Variants in CR1L observed in about 807,000 individuals in gnomAD.
CR1L encodes the protein complement C3b/C4b receptor 1 like, also known as complement component receptor 1-like protein.
A neutral mutation model predicts 62.3 loss-of-function variants in CR1L; 59 were observed. The ratio of observed to expected loss-of-function variants is 0.95; its 90% confidence interval spans 0.77 to 1.18. The LOEUF is 1.18. Ranked by LOEUF, CR1L falls within the 50% of genes most tolerant of loss-of-function variation. The pLI is 0.00. For missense variants in CR1L, 700 were observed against 702.8 expected, an observed-to-expected ratio of 1.00 and a Z score of 0.04; for synonymous variants, 279 against 248.7, an observed-to-expected ratio of 1.12 and a Z score of -1.15.
intron 1 of CR1L, among the ~76,000 whole-genome samples, chr1:207,656,447 A>G (rs1430082617): frequency 1.3e-5 from 2 of 152,216 alleles, no homozygotes; most frequent in Non-Finnish European, 2.9e-5. Flanking sequence ...AAAACTTAGC[A>G]TGGCCTTGCA....
chr1:207,662,275 C>G (rs1327492515), intron 1 of CR1L, among the ~76,000 whole-genome samples: 1 of 152,228 alleles, frequency 6.6e-6, no homozygotes, highest in African/African-American at 2.4e-5. Context: ...CCATCACTTT[C>G]AGGTACACCA....
chr1:207,661,960 G>T (rs549105335), intron 1 of CR1L, among the ~76,000 whole-genome samples: 2 of 152,338 alleles, frequency 1.3e-5, no homozygotes, highest in South Asian at 4.1e-4. Context: ...CTTTAAGAAT[G>T]TTGAATATTG....
rs773605265 is a variant in CR1L, at chr1:207,708,183, G to C, written c.1334G>C (p.Arg445Pro). The change falls in exon 10 of 12, where the codon CGA becomes CCA. Residue 445 changes from arginine to proline, a missense_variant. Arg to Pro is a moderately radical substitution (Grantham distance 103, BLOSUM62 -2). Coordinates refer to ENST00000508064, the MANE Select transcript of CR1L (RefSeq NM_175710.2). ...TTTCCATTTTTTGCCTTTAGGCACC[G>C]ACTCATTGGTCACTCATCTGCTGAA... ...RINYSCTTGHRLIGHSSAECI... is the reference protein window; with the variant it reads ...RINYSCTTGHPLIGHSSAECI... The C allele has an allele frequency of 1.2e-6, 2 of 1,611,294 alleles. No homozygotes were observed. The highest frequency in any genetic ancestry group is 1.7e-6 in the Non-Finnish European group (2 of 1,179,378).
intron 8 of CR1L, among the ~76,000 whole-genome samples, chr1:207,699,804 A>G (rs761130409): frequency 6.6e-6 from 1 of 152,220 alleles, no homozygotes; most frequent in Non-Finnish European, 1.5e-5. Context: ...TATAGCAATG[A>G]ACAAGATGAG....
chr1:207,668,989 T>C (rs1178995501), intron 1 of CR1L: 1 of 171,322 alleles, frequency 5.8e-6, no homozygotes, highest in African/African-American at 2.5e-5. Flanking sequence ...ACATTCCCTG[T>C]GCACTGTACA....
intron 1 of CR1L, among the ~76,000 whole-genome samples, chr1:207,670,406 C>T (rs916563578): frequency 2.0e-5 from 3 of 151,086 alleles, no homozygotes; most frequent in Non-Finnish European, 4.4e-5. Flanking sequence ...ATTATAACTA[C>T]TATGGAAATT....
intron 1 of CR1L, among the ~76,000 whole-genome samples, chr1:207,666,843 A>T (rs1663531900): frequency 6.6e-6 from 1 of 152,330 alleles, no homozygotes; most frequent in East Asian, 1.9e-4. Flanking sequence ...ATGTACCCCT[A>T]AACGTAAAAG....
At chr1:207,701,665 A>G in intron 9 of CR1L, 47 bp downstream of exon 9, 1 of 1,611,866 alleles carries the variant, frequency 6.2e-7, no homozygotes, top group Non-Finnish European at 8.5e-7. Flanking sequence ...CAGCACAGCA[A>G]TACTACCTTC....
At chr1:207,709,071 T>A in intron 10 of CR1L, 1 of 250,398 alleles carries the variant, frequency 4.0e-6, no homozygotes, top group Non-Finnish European at 7.8e-6. Flanking sequence ...TTTGTCTTTA[T>A]TAGTTCTGCC....
intron 9 of CR1L, among the ~76,000 whole-genome samples, chr1:207,703,917 G>A (rs72644195): frequency 0.11 from 17,433 of 151,846 alleles, 1,362 homozygotes; most frequent in East Asian, 0.38. Context: ...TTGCGTCACC[G>A]CACTCCAGGT....
chr1:207,655,302 TTA>T, intron 1 of CR1L: 1 of 576,796 alleles, frequency 1.7e-6, no homozygotes, highest in Non-Finnish European at 3.1e-6. Flanking sequence ...TTTTTTTTTT[TTA>T]ATTCAGACCA....
chr1:207,718,026 A>T (rs1424379620), intron 11 of CR1L, among the ~76,000 whole-genome samples: 4 of 152,322 alleles, frequency 2.6e-5, no homozygotes, highest in Non-Finnish European at 5.9e-5. Flanking sequence ...TTCTACCCCT[A>T]CTATGAGTTG....
intron 9 of CR1L, chr1:207,701,847 G>T (rs1395778630): frequency 2.3e-5 from 16 of 703,400 alleles, no homozygotes; most frequent in Non-Finnish European, 3.6e-5. Flanking sequence ...CCGTTCACTG[G>T]ATGGGAAGGA....
intron 9 of CR1L, among the ~76,000 whole-genome samples, chr1:207,705,206 A>G (rs1179897084): frequency 6.6e-6 from 1 of 152,192 alleles, no homozygotes; most frequent in African/African-American, 2.4e-5. Context: ...TTCTCTTTTT[A>G]TAAGGACACC....
At chr1:207,717,014 A>T (rs557554408) in intron 10 of CR1L, among the ~76,000 whole-genome samples, 1 of 152,334 alleles carries the variant, frequency 6.6e-6, no homozygotes, top group South Asian at 2.1e-4. Flanking sequence ...TGAATCACCA[A>T]GAAACATTTA....
intron 4 of CR1L, among the ~76,000 whole-genome samples, chr1:207,694,052 G>A (rs1337257489): frequency 1.3e-5 from 2 of 152,060 alleles, no homozygotes; most frequent in African/African-American, 4.8e-5. Flanking sequence ...AATTAAGAAA[G>A]CAAATGAAAA....
At chr1:207,713,515 G>A (rs1429966157) in intron 10 of CR1L, among the ~76,000 whole-genome samples, 5 of 152,230 alleles carry the variant, frequency 3.3e-5, no homozygotes, top group Non-Finnish European at 1.5e-5. Flanking sequence ...ATCAATGCAG[G>A]AGACACCTCA....
intron 9 of CR1L, 116 bp downstream of exon 9, chr1:207,701,734 A>G (rs1163828534): frequency 8.6e-6 from 11 of 1,277,668 alleles, no homozygotes; most frequent in Non-Finnish European, 1.1e-5. Flanking sequence ...AGGTTTGAAC[A>G]CAGGTATTAA....
chr1:207,676,951 C>A (rs1663700787), intron 1 of CR1L, among the ~76,000 whole-genome samples: 1 of 152,204 alleles, frequency 6.6e-6, no homozygotes, highest in South Asian at 2.1e-4. Flanking sequence ...CCACCACACC[C>A]AGCTCCCTTG....
Sources: gnomAD v4.1 joint callset for allele counts (sites outside exome capture counted in the v4.1 genomes callset) on GRCh38, gnomAD v4.1.1 for gene constraint, MANE v1.5 for transcripts, NCBI Gene and HGNC (gene_info 2026-07-23, HGNC 2026-07-21) for gene names.